Variants in NEDD9 observed in about 807,000 individuals in gnomAD.
NEDD9 encodes enhancer of filamentation 1.
Under a neutral mutation model 76.6 loss-of-function variants are expected in NEDD9, and 26 were observed. That is an observed-to-expected ratio of 0.34 (90% confidence interval 0.25 to 0.47). The LOEUF is 0.47. Among genes scored for constraint, NEDD9 ranks in the 20% least tolerant of loss-of-function variants. NEDD9 has a pLI of 1.00. For synonymous variants in NEDD9, 392 were observed against 414.2 expected, an observed-to-expected ratio of 0.95 and a Z score of 0.65; for missense variants, 937 against 1,058.5, an observed-to-expected ratio of 0.89 and a Z score of 1.59.
At chr6:11,272,318 C>T (rs768550252) in intron 3 of NEDD9, among the ~76,000 whole-genome samples, 2 of 152,124 alleles carry the variant, frequency 1.3e-5, no homozygotes, top group Admixed American at 6.5e-5. Context: ...AAGAGAGGGG[C>T]GACTCAGTAC....
intron 2 of NEDD9, chr6:11,306,300 C>G (rs1761182129): frequency 2.1e-6 from 1 of 482,518 alleles, no homozygotes; most frequent in African/African-American, 1.9e-5. Flanking sequence ...TTCATTCATG[C>G]AATCAAAGAA....
chr6:11,345,440 G>A (rs917190005), intron 1 of NEDD9, among the ~76,000 whole-genome samples: 3 of 151,936 alleles, frequency 2.0e-5, no homozygotes, highest in Non-Finnish European at 2.9e-5. Context: ...ATGGAGCATC[G>A]AGCAAGACAG....
intron 1 of NEDD9, among the ~76,000 whole-genome samples, chr6:11,375,413 G>C (rs1342987217): frequency 6.6e-6 from 1 of 152,204 alleles, no homozygotes; most frequent in Admixed American, 6.5e-5. Flanking sequence ...CAATCAAAAA[G>C]TAAAGTAAGG....
chr6:11,376,726 A>G (rs1032876424), intron 1 of NEDD9, among the ~76,000 whole-genome samples: 11 of 152,246 alleles, frequency 7.2e-5, no homozygotes, highest in African/African-American at 2.7e-4. Context: ...TAGAGAAAGA[A>G]TCCAAGCAGG....
intron 1 of NEDD9, among the ~76,000 whole-genome samples, chr6:11,365,987 A>T (rs4711271): frequency 0.7 from 106,206 of 151,178 alleles, 37,998 homozygotes; most frequent in African/African-American, 0.82. Context: ...CAAGAGACAC[A>T]GTCAAAAAAA....
intron 3 of NEDD9, among the ~76,000 whole-genome samples, chr6:11,280,516 C>G (rs1760513258): frequency 6.6e-6 from 1 of 152,198 alleles, no homozygotes; most frequent in Non-Finnish European, 1.5e-5. Flanking sequence ...ATTTGCTCCT[C>G]CGGTGCCATC....
chr6:11,183,582 G>C lies in NEDD9; in HGVS notation c.*1580C>G, dbSNP rs2113703407. ...CTTTTAATCTTCTTTTGGCAGAGTA[G>C]GACTTTGAGAATTATAATAGCAGTT... is the stretch of plus-strand genomic sequence containing the variant. On this transcript the variant is annotated 3_prime_UTR_variant, in exon 7 of 7. Coordinates refer to ENST00000379446, the MANE Select transcript of NEDD9 (RefSeq NM_006403.4). 1 of 152,196 alleles carries C rather than the reference G, an allele frequency of 6.6e-6. No homozygotes were observed. Among genetic ancestry groups the C allele is most frequent in the East Asian group, 1.9e-4 (1 of 5,182 alleles). The allele number at this position is 152,196 out of a possible 1,614,324, so 9.4% of individuals were successfully genotyped here.
At chr6:11,366,444 AAAAG>A (rs1051309080) in intron 1 of NEDD9, among the ~76,000 whole-genome samples, 5 of 151,756 alleles carry the variant, frequency 3.3e-5, no homozygotes, top group African/African-American at 4.9e-5. Flanking sequence ...AAAGAAAGAA[AAAAG>A]AAAGAAAGAG....
intron 1 of NEDD9, among the ~76,000 whole-genome samples, chr6:11,372,060 G>A (rs565010002): frequency 6.6e-6 from 1 of 152,150 alleles, no homozygotes; most frequent in African/African-American, 2.4e-5. Context: ...TGTTGTGCTA[G>A]CAAATACTAG....
intron 1 of NEDD9, among the ~76,000 whole-genome samples, chr6:11,335,941 A>G (rs934263673): frequency 1.3e-5 from 2 of 149,420 alleles, no homozygotes; most frequent in African/African-American, 5.1e-5. Flanking sequence ...CAGGCTGAAG[A>G]TAAGCTCCTT....
intron 2 of NEDD9, among the ~76,000 whole-genome samples, chr6:11,322,359 A>T (rs979640997): frequency 6.6e-5 from 10 of 152,130 alleles, no homozygotes; most frequent in Non-Finnish European, 1.3e-4. Flanking sequence ...TGCTTTGTGA[A>T]TTAGTCAGGT....
intron 3 of NEDD9, among the ~76,000 whole-genome samples, chr6:11,280,056 G>A (rs1401981001): frequency 6.6e-6 from 1 of 152,128 alleles, no homozygotes; most frequent in Non-Finnish European, 1.5e-5. Context: ...TTCATGGTGG[G>A]GGCTGCCTTG....
At chr6:11,293,416 T>TA (rs1760821263) in intron 3 of NEDD9, among the ~76,000 whole-genome samples, 1 of 152,246 alleles carries the variant, frequency 6.6e-6, no homozygotes, top group Non-Finnish European at 1.5e-5. Context: ...TTTAATATGT[T>TA]ACCCTTAGAT....
intron 2 of NEDD9, among the ~76,000 whole-genome samples, chr6:11,320,596 G>A (rs543364021): frequency 1.1e-4 from 17 of 152,308 alleles, no homozygotes; most frequent in African/African-American, 1.7e-4. Context: ...GCAGGGCTAC[G>A]TGCTACAACA....
At chr6:11,360,617 G>A (rs926314) in intron 1 of NEDD9, among the ~76,000 whole-genome samples, 7,861 of 152,212 alleles carry the variant, frequency 0.052, 283 homozygotes, top group Non-Finnish European at 0.066. Flanking sequence ...CTCCAGTCAT[G>A]GAAGATGAGC....
chr6:11,274,004 T>G (rs1337215769), intron 3 of NEDD9, among the ~76,000 whole-genome samples: 2 of 152,234 alleles, frequency 1.3e-5, no homozygotes, highest in South Asian at 4.1e-4. Context: ...AGCCAAAGGC[T>G]GCAATGAACA....
Position 11,318,796 on chromosome 6 carries a change from T to C in NEDD9, c.-152-12641A>G, listed in dbSNP as rs183011723. Among the ~76,000 whole-genome samples, 173 of 152,296 alleles carry C rather than the reference T, an allele frequency of 1.1e-3. 2 individuals are homozygous for C. The highest frequency in any genetic ancestry group is 3.7e-3 in the African/African-American group (154 of 41,558). On this transcript the variant is annotated intron_variant, in intron 2 of 3. Transcript: ENST00000397378. ...AATGTATGGTCTTTCTGGACATTCA[T>C]TGGAGAGAAGCTCTGTTTTTAAAAA...
chr6:11,355,880 C>T (rs1762560208), intron 1 of NEDD9, among the ~76,000 whole-genome samples: 1 of 149,312 alleles, frequency 6.7e-6, no homozygotes, highest in African/African-American at 2.6e-5. Flanking sequence ...GCCACCACGC[C>T]CGGCTAATTT....
In NEDD9 at chr6:11,184,109, A is replaced by T. The variant is rs1561775390; in HGVS notation, c.*1053T>A. The T allele has an allele frequency of 6.6e-6, 1 of 152,222 alleles. No homozygotes were observed. The highest frequency in any genetic ancestry group is 1.5e-5 in the Non-Finnish European group (1 of 68,028). 9.4% of individuals were successfully genotyped at this position (152,222 alleles called of 1,614,324 possible). ...ATATGTGAGTTTTAAAGAAGGTGCA[A>T]GATAGCAATAAATTCCCTTAGAGAG... On this transcript the variant is annotated 3_prime_UTR_variant, in exon 7 of 7. Transcript: ENST00000379446.
Sources: allele counts gnomAD v4.1 joint callset (sites outside exome capture counted in the v4.1 genomes callset), GRCh38; gene constraint gnomAD v4.1.1; transcripts MANE v1.5; gene names NCBI Gene and HGNC (gene_info 2026-07-23, HGNC 2026-07-21).